MGST1: variants seen among roughly 807,000 people sequenced by gnomAD.
MGST1 encodes the protein microsomal glutathione S-transferase 1, also known as glutathione S-transferase 12.
In MGST1, 5 loss-of-function variants were observed where a neutral mutation model predicts 8.9. That is an observed-to-expected ratio of 0.56 (90% CI 0.29 to 1.19). The LOEUF (loss-of-function observed/expected upper bound fraction) is 1.19. MGST1 is among the 50% of genes most tolerant of loss of function. The pLI, the probability that MGST1 is intolerant of heterozygous loss-of-function variation, is 0.08. For synonymous variants in MGST1, 54 were observed against 67.8 expected (o/e 0.80, Z 1.00); for missense variants, 182 against 187.4 (o/e 0.97, Z 0.17).
At chr12:16,452,907 T>G (rs955101883) in intron 4 of MGST1, among the ~76,000 whole-genome samples, 2 of 151,866 alleles carry the variant, frequency 1.3e-5, no homozygotes, top group Non-Finnish European at 2.9e-5. Flanking sequence ...GTGCCTAAAT[T>G]ATCAATCATG....
rs939340726 is a variant in MGST1, at chr12:16,537,183, C to A, written n.483-52345C>A. On this transcript the variant is annotated intron_variant and non_coding_transcript_variant, in intron 4 of 4. Coordinates refer to the MGST1 transcript ENST00000538857. The surrounding 1 kb of genome is among the most constrained non-coding windows in gnomAD (Gnocchi z 4.6). ...GCCAAAATAAAGGGATTACAGGGCCCATCCAAGTCTGAAATCCAGTGGGGC... is the reference window on the plus strand; with the variant it reads ...GCCAAAATAAAGGGATTACAGGGCCAATCCAAGTCTGAAATCCAGTGGGGC... Among the ~76,000 whole-genome samples, 1 of 152,158 alleles carries A rather than the reference C, an allele frequency of 6.6e-6. No individual in the cohort carries two copies. The highest frequency in any genetic ancestry group is 1.5e-5 in the Non-Finnish European group (1 of 68,020).
chr12:16,484,037 C>T (rs1941382222), intron 4 of MGST1, among the ~76,000 whole-genome samples: 1 of 152,168 alleles, frequency 6.6e-6, no homozygotes, highest in African/African-American at 2.4e-5. Flanking sequence ...AGACCAATAA[C>T]AGAAAGATAA....
chr12:16,531,884 G>A (rs1941726153), intron 4 of MGST1, among the ~76,000 whole-genome samples: 1 of 152,126 alleles, frequency 6.6e-6, no homozygotes, highest in Non-Finnish European at 1.5e-5. Flanking sequence ...CAGGTGCAGG[G>A]GGGACCACAG....
intron 4 of MGST1, among the ~76,000 whole-genome samples, chr12:16,498,595 G>A (rs1941484865): frequency 6.6e-6 from 1 of 152,178 alleles, no homozygotes; most frequent in African/African-American, 2.4e-5. Flanking sequence ...TGTAACCCCT[G>A]TGGAAGGGCA....
intron 4 of MGST1, among the ~76,000 whole-genome samples, chr12:16,580,386 T>G (rs1943122205): frequency 6.6e-6 from 1 of 152,188 alleles, no homozygotes; most frequent in Non-Finnish European, 1.5e-5. Flanking sequence ...GGTGAAAAAT[T>G]TTAGAGGACC....
intron 3 of MGST1, among the ~76,000 whole-genome samples, chr12:16,373,606 T>G (rs67735548): frequency 0.072 from 10,919 of 152,072 alleles, 557 homozygotes; most frequent in East Asian, 0.24. Context: ...CTCTGGCCTT[T>G]TACAAAGTTT....
intron 4 of MGST1, among the ~76,000 whole-genome samples, chr12:16,455,620 C>T (rs1941166053): frequency 6.6e-6 from 1 of 151,718 alleles, no homozygotes; most frequent in African/African-American, 2.4e-5. Context: ...ATCAAGAAGC[C>T]TCATCAAGTG....
chr12:16,395,780 CAT>C (rs369986291), intron 1 of MGST1, among the ~76,000 whole-genome samples: 1,360 of 121,700 alleles, frequency 0.011, 31 homozygotes, highest in African/African-American at 0.032. Context: ...AGTATTCCAT[CAT>C]ATATATATAT....
chr12:16,387,460 A>G (rs7964084), intron 1 of MGST1, among the ~76,000 whole-genome samples: 37,826 of 151,740 alleles, frequency 0.25, 5,152 homozygotes, highest in South Asian at 0.31. Flanking sequence ...CCACTCACTC[A>G]CTGACTCACC....
chr12:16,531,752 G>A (rs1941725121), intron 4 of MGST1, among the ~76,000 whole-genome samples: 1 of 152,154 alleles, frequency 6.6e-6, no homozygotes, highest in East Asian at 1.9e-4. Context: ...GAATGCCAGC[G>A]GGAATGCACA....
In MGST1 at chr12:16,465,778, C is replaced by T. The variant is rs114367923; in HGVS notation, n.482+82174C>T. Among the ~76,000 whole-genome samples the T allele has an allele frequency of 1.7e-3, 262 of 152,206 alleles. 1 individual carries two copies. The highest frequency in any genetic ancestry group is 6.1e-3 in the African/African-American group (253 of 41,502). On this transcript the variant is annotated intron_variant and non_coding_transcript_variant, in intron 4 of 4. Coordinates refer to the MGST1 transcript ENST00000538857. Reference sequence around the variant, plus strand: ...ATCCCCAAATTATCCTCCTCCTTCCCCCACCCCAATCTGTGGAAAAATTGT... The same window carrying T: ...ATCCCCAAATTATCCTCCTCCTTCCTCCACCCCAATCTGTGGAAAAATTGT...
chr12:16,376,102 AT>A (rs71054810), intron 3 of MGST1: 366,297 of 1,275,970 alleles, frequency 0.29, 53,868 homozygotes, highest in African/African-American at 0.31. Flanking sequence ...TAAAAATCTT[AT>A]TTTTTTTTAA....
At chr12:16,553,851 G>T in intron 4 of MGST1, among the ~76,000 whole-genome samples, 1 of 149,246 alleles carries the variant, frequency 6.7e-6, no homozygotes, top group Admixed American at 6.6e-5. Flanking sequence ...CTTCTTATGA[G>T]ATTCAGCATT....
At chr12:16,439,663 T>A (rs115224761), downstream of MGST1, among the ~76,000 whole-genome samples, 86 of 151,908 alleles carry the variant, frequency 5.7e-4, no homozygotes, top group African/African-American at 2.0e-3. Flanking sequence ...GAGTAACTTA[T>A]GTGTTTTAAA....
At chr12:16,488,648 T>G in intron 4 of MGST1, among the ~76,000 whole-genome samples, 1 of 152,118 alleles carries the variant, frequency 6.6e-6, no homozygotes. Flanking sequence ...TACAAGTGAT[T>G]AATGTAATTA....
chr12:16,365,393 A>G (rs1350028463), downstream of MGST1, among the ~76,000 whole-genome samples: 1 of 152,118 alleles, frequency 6.6e-6, no homozygotes, highest in African/African-American at 2.4e-5. Flanking sequence ...CTTTTGATGC[A>G]TTTTAATTTT....
intron 4 of MGST1, among the ~76,000 whole-genome samples, chr12:16,457,610 C>T (rs991458064): frequency 1.3e-5 from 2 of 151,898 alleles, no homozygotes; most frequent in African/African-American, 4.8e-5. Flanking sequence ...AGGAGATTTT[C>T]ATTGATTAGT....
intron 1 of MGST1, among the ~76,000 whole-genome samples, chr12:16,404,149 G>A (rs1381407197): frequency 6.6e-6 from 1 of 152,090 alleles, no homozygotes; most frequent in Non-Finnish European, 1.5e-5. Context: ...ATACATACAA[G>A]TATATCTATT....
At chr12:16,494,376 T>A (rs1242341932) in intron 4 of MGST1, among the ~76,000 whole-genome samples, 1 of 152,150 alleles carries the variant, frequency 6.6e-6, no homozygotes, top group East Asian at 1.9e-4. Flanking sequence ...ATATCTAAGA[T>A]CTGAAAAATT....
Sources: allele counts gnomAD v4.1 joint callset (sites outside exome capture counted in the v4.1 genomes callset), GRCh38; gene constraint gnomAD v4.1.1; non-coding constraint Gnocchi (gnomAD v3.1); transcripts MANE v1.5; gene names NCBI Gene and HGNC (gene_info 2026-07-23, HGNC 2026-07-21).